The following ARID2 variants were observed in gnomAD, a reference collection of about 807,000 sequenced individuals.
ARID2 encodes AT-rich interaction domain 2, also known as AT-rich interactive domain-containing protein 2.
Under a neutral mutation model 184.6 loss-of-function variants are expected in ARID2, and 32 were observed. The observed-to-expected ratio is 0.17, with a 90% CI of 0.13 to 0.23. The LOEUF (loss-of-function observed/expected upper bound fraction) is 0.23, where lower values mean the gene tolerates loss of function less well. Among genes scored for constraint, ARID2 ranks in the 10% least tolerant of loss-of-function variants. ARID2 has a pLI of 1.00. For synonymous variants in ARID2, 836 were observed against 772.6 expected (o/e 1.08, Z -1.36); for missense variants, 1,696 against 2,197.6 (o/e 0.77, Z 4.56).
intron 4 of ARID2, among the ~76,000 whole-genome samples, 168 bp downstream of exon 4, chr12:45,811,719 C>T (rs1203813753): frequency 6.6e-6 from 1 of 152,196 alleles, no homozygotes; most frequent in Non-Finnish European, 1.5e-5. Context: ...CCCTTTCTCT[C>T]ACAGGTTACT....
At chr12:45,734,040 A>T (rs906109017) in intron 3 of ARID2, among the ~76,000 whole-genome samples, 7 of 152,260 alleles carry the variant, frequency 4.6e-5, no homozygotes, top group Non-Finnish European at 1.0e-4. Flanking sequence ...AAAAAAAAGT[A>T]AAGTGCTTAC....
chr12:45,893,051 CT>C (rs1402983063), intron 18 of ARID2, among the ~76,000 whole-genome samples: 1 of 152,094 alleles, frequency 6.6e-6, no homozygotes, highest in African/African-American at 2.4e-5. Flanking sequence ...AAATTGTAGA[CT>C]TTTCTTCTTT....
At chr12:45,887,269 C>T (rs902725294) in intron 16 of ARID2, among the ~76,000 whole-genome samples, 1 of 151,960 alleles carries the variant, frequency 6.6e-6, no homozygotes, top group Non-Finnish European at 1.5e-5. Context: ...TATTTTAAAT[C>T]GCCAGTGACT....
chr12:45,814,655 A>G (rs11183210), intron 4 of ARID2, among the ~76,000 whole-genome samples: 43,596 of 152,070 alleles, frequency 0.29, 6,505 homozygotes, highest in Admixed American at 0.33. Context: ...TCTCAAAAAA[A>G]TAATAAACTT....
At chr12:45,881,577 A>T (rs1215209499) in intron 16 of ARID2, 1 of 154,304 alleles carries the variant, frequency 6.5e-6, no homozygotes, top group African/African-American at 2.4e-5. Context: ...TCGTATCCTA[A>T]GGCTACATAC....
At chr12:45,803,054 A>C (rs1183091072) in intron 3 of ARID2, among the ~76,000 whole-genome samples, 1 of 152,120 alleles carries the variant, frequency 6.6e-6, no homozygotes, top group Non-Finnish European at 1.5e-5. Flanking sequence ...AAGTAGAATT[A>C]ACATGTTTTT....
chr12:45,821,195 AAG>A (rs1010634506), intron 5 of ARID2, among the ~76,000 whole-genome samples: 2 of 152,104 alleles, frequency 1.3e-5, no homozygotes, highest in Non-Finnish European at 2.9e-5. Flanking sequence ...TATTATGAAA[AAG>A]AGTCTATATT....
intron 3 of ARID2, among the ~76,000 whole-genome samples, chr12:45,782,910 A>C (rs1186013082): frequency 6.6e-6 from 1 of 151,402 alleles, no homozygotes; most frequent in African/African-American, 2.4e-5. Flanking sequence ...GGAGTTCGAG[A>C]CCAGCCTGGG....
chr12:45,869,931 A>G (rs1161613433), intron 16 of ARID2, among the ~76,000 whole-genome samples: 1 of 152,176 alleles, frequency 6.6e-6, no homozygotes, highest in African/African-American at 2.4e-5. Context: ...TGTTTTCAGC[A>G]CAATTGCACA....
At chr12:45,858,359 TA>T (rs1186343320) in intron 15 of ARID2, among the ~76,000 whole-genome samples, 3 of 151,856 alleles carry the variant, frequency 2.0e-5, no homozygotes, top group African/African-American at 7.3e-5. Flanking sequence ...AAACCCTATC[TA>T]AAAAAAAGAA....
chr12:45,802,571 T>C (rs914390862), intron 3 of ARID2, among the ~76,000 whole-genome samples: 3 of 152,166 alleles, frequency 2.0e-5, no homozygotes, highest in African/African-American at 7.2e-5. Context: ...TTCTAAATTA[T>C]CTGCTAGGTA....
chr12:45,782,520 T>C (rs1265697490), intron 3 of ARID2, among the ~76,000 whole-genome samples: 3 of 152,062 alleles, frequency 2.0e-5, no homozygotes, highest in African/African-American at 7.2e-5. Context: ...CAACCCCAGC[T>C]ACTCAGGAGA....
chr12:45,729,966 C>G (rs1445660557), intron 1 of ARID2, 38 bp downstream of exon 1: 1 of 1,603,332 alleles, frequency 6.2e-7, no homozygotes, highest in Non-Finnish European at 8.5e-7. Context: ...CGGGGCGAGC[C>G]GGGGCGAACG....
chr12:45,874,232 A>G (rs1454632719), intron 16 of ARID2: 1 of 152,422 alleles, frequency 6.6e-6, no homozygotes, highest in Non-Finnish European at 1.5e-5. Context: ...CAAGTCAGAA[A>G]TGGAGCAAGT....
At chr12:45,820,727 G>A (rs751235161) in intron 5 of ARID2, among the ~76,000 whole-genome samples, 13 of 152,080 alleles carry the variant, frequency 8.5e-5, no homozygotes, top group Non-Finnish European at 1.6e-4. Context: ...TTGACAATTC[G>A]AGCTAGCAGC....
chr12:45,884,133 A>G (rs1658662475), intron 16 of ARID2, among the ~76,000 whole-genome samples: 2 of 152,216 alleles, frequency 1.3e-5, no homozygotes, highest in Non-Finnish European at 2.9e-5. Context: ...ACGGTGGCTC[A>G]TGCCTGTAAT....
chr12:45,755,205 G>A (rs1941544253), intron 3 of ARID2, among the ~76,000 whole-genome samples: 1 of 152,178 alleles, frequency 6.6e-6, no homozygotes, highest in Non-Finnish European at 1.5e-5. Context: ...ATATAGTGAG[G>A]ATGTGAGATT....
At chr12:45,896,645 C>T (rs190304560) in intron 20 of ARID2, among the ~76,000 whole-genome samples, 4 of 152,086 alleles carry the variant, frequency 2.6e-5, no homozygotes, top group Admixed American at 2.6e-4. Flanking sequence ...TGTAAATTGC[C>T]CAGTCTTGGG....
At chr12:45,763,639 C>CAA (rs940277320) in intron 3 of ARID2, among the ~76,000 whole-genome samples, 39 of 138,840 alleles carry the variant, frequency 2.8e-4, no homozygotes, top group African/African-American at 7.2e-4. Flanking sequence ...GCTGGGACTA[C>CAA]AAAAAAAAAA....
Sources: allele counts gnomAD v4.1 joint callset (sites outside exome capture counted in the v4.1 genomes callset), GRCh38; gene constraint gnomAD v4.1.1; transcripts MANE v1.5; gene names NCBI Gene and HGNC (gene_info 2026-07-23, HGNC 2026-07-21).